Variants in STK33 observed in about 807,000 individuals in gnomAD.
STK33 encodes the protein serine/threonine-protein kinase 33.
In STK33, 52 loss-of-function variants were observed where a neutral mutation model predicts 58.0. The ratio of observed to expected loss-of-function variants is 0.90; its 90% CI spans 0.72 to 1.13. STK33 has a LOEUF of 1.13. Ranked by LOEUF, STK33 falls within the 50% of genes most tolerant of loss-of-function variation. The pLI, the probability that STK33 is intolerant of heterozygous loss-of-function variation, is 0.00. For synonymous variants in STK33, 215 were observed against 200.1 expected (o/e 1.07, Z -0.63); for missense variants, 630 against 604.2 (o/e 1.04, Z -0.45).
intron 1 of STK33, among the ~76,000 whole-genome samples, chr11:8,554,695 G>A (rs1487390628): frequency 6.6e-6 from 1 of 152,038 alleles, no homozygotes; most frequent in Non-Finnish European, 1.5e-5. Context: ...AAACGGTATG[G>A]AGATTCCTCA....
At chr11:8,571,058 A>G (rs1957774939) in intron 1 of STK33, among the ~76,000 whole-genome samples, 1 of 152,174 alleles carries the variant, frequency 6.6e-6, no homozygotes, top group Non-Finnish European at 1.5e-5. Flanking sequence ...GGAGAGGGAA[A>G]GCAAACATGA....
intron 14 of STK33, among the ~76,000 whole-genome samples, chr11:8,420,507 C>CA (rs1941759568): frequency 6.6e-6 from 1 of 152,038 alleles, no homozygotes; most frequent in African/African-American, 2.4e-5. Context: ...GCCTTCTACT[C>CA]AGTGTATTCT....
chr11:8,445,253 T>A (rs1167009615), intron 11 of STK33, among the ~76,000 whole-genome samples: 1 of 152,242 alleles, frequency 6.6e-6, no homozygotes, highest in Admixed American at 6.5e-5. Context: ...TTGCTGAAGT[T>A]GTTTTTCAGC....
At chr11:8,537,104 C>T (rs552539099) in intron 1 of STK33, among the ~76,000 whole-genome samples, 2 of 149,758 alleles carry the variant, frequency 1.3e-5, no homozygotes, top group Non-Finnish European at 3.0e-5. Flanking sequence ...ATCAGCCTCC[C>T]GAGTAGCTGG....
intron 1 of STK33, among the ~76,000 whole-genome samples, chr11:8,549,331 T>G (rs1017905578): frequency 1.3e-5 from 2 of 152,210 alleles, no homozygotes; most frequent in Non-Finnish European, 2.9e-5. Flanking sequence ...CACACTTGAT[T>G]GTGCTAAATG....
intron 1 of STK33, among the ~76,000 whole-genome samples, chr11:8,482,736 A>AT (rs1163715510): frequency 4.0e-4 from 60 of 151,304 alleles, no homozygotes; most frequent in Middle Eastern, 3.4e-3. Flanking sequence ...TTATTTATTT[A>AT]TTTATTTTTT....
intron 1 of STK33, among the ~76,000 whole-genome samples, chr11:8,520,739 T>C (rs1359962446): frequency 6.6e-6 from 1 of 152,120 alleles, no homozygotes; most frequent in Admixed American, 6.6e-5. Context: ...GAACTCACGT[T>C]CACAATTGCT....
At chr11:8,530,943 A>G (rs1954488830) in intron 1 of STK33, among the ~76,000 whole-genome samples, 1 of 130,182 alleles carries the variant, frequency 7.7e-6, no homozygotes, top group Admixed American at 7.9e-5. Flanking sequence ...CGCCCACCTC[A>G]GTCTCCCAAA....
At chr11:8,396,671 T>A (rs1849400371) in intron 15 of STK33, among the ~76,000 whole-genome samples, 1 of 152,208 alleles carries the variant, frequency 6.6e-6, no homozygotes, top group Non-Finnish European at 1.5e-5. Context: ...AGGCATCATC[T>A]CACCCGGGAA....
At chr11:8,499,686 G>C (rs564743917) in intron 1 of STK33, among the ~76,000 whole-genome samples, 14 of 152,196 alleles carry the variant, frequency 9.2e-5, no homozygotes, top group Non-Finnish European at 1.8e-4. Flanking sequence ...ATCCATCAAT[G>C]ACAAACTGGA....
At chr11:8,396,229 G>A (rs186209442) in intron 15 of STK33, among the ~76,000 whole-genome samples, 15 of 152,198 alleles carry the variant, frequency 9.9e-5, no homozygotes, top group Admixed American at 7.9e-4. Flanking sequence ...TCAGCCTCCC[G>A]AGTAGTTGGG....
chr11:8,384,108 A>C, the STK33 span, among the ~76,000 whole-genome samples: 1 of 152,234 alleles, frequency 6.6e-6, no homozygotes, highest in Non-Finnish European at 1.5e-5. Context: ...AATATAATAA[A>C]GAAAGTATTT....
intron 1 of STK33, among the ~76,000 whole-genome samples, chr11:8,482,030 T>G (rs1949847956): frequency 6.6e-6 from 1 of 152,210 alleles, no homozygotes; most frequent in Admixed American, 6.5e-5. Context: ...CCAAAAAGAT[T>G]CATGTGAGAC....
chr11:8,376,863 G>C, the STK33 span, among the ~76,000 whole-genome samples: 6 of 152,220 alleles, frequency 3.9e-5, no homozygotes, highest in South Asian at 6.2e-4. Flanking sequence ...TTTTAAGTGA[G>C]ATCACATCTT....
chr11:8,457,993 T>G (rs1287419195), intron 8 of STK33, among the ~76,000 whole-genome samples: 1 of 152,114 alleles, frequency 6.6e-6, no homozygotes, highest in African/African-American at 2.4e-5. Context: ...AAGAACAGGT[T>G]GGGGCCAGGT....
chr11:8,476,029 T>C lies in STK33; in HGVS notation c.-162+658A>G, dbSNP rs546489757. 2.6e-5 allele frequency among the ~76,000 whole-genome samples: 4 copies of C among 152,348 alleles called. No homozygotes were observed. In the East Asian group the frequency reaches 7.7e-4, roughly 29 times the overall value. On this transcript the variant is annotated intron_variant, in intron 4 of 15. Coordinates refer to ENST00000687296, the MANE Select transcript of STK33 (RefSeq NM_001352389.2). ...GAAAGCTGTGCTTTTATCAAATCCT[T>C]ATCTATTGTGATTGGCAGGAAAATC...
intron 9 of STK33, among the ~76,000 whole-genome samples, chr11:8,455,255 A>G (rs182085624): frequency 6.6e-6 from 1 of 152,308 alleles, no homozygotes; most frequent in Admixed American, 6.5e-5. Flanking sequence ...ACATTTTAAC[A>G]CACTGTAACT....
chr11:8,552,242 C>T (rs1956350317), intron 1 of STK33, among the ~76,000 whole-genome samples: 1 of 152,214 alleles, frequency 6.6e-6, no homozygotes, highest in East Asian at 1.9e-4. Flanking sequence ...TTTTCTCTTA[C>T]CAGTCATGGC....
intron 1 of STK33, among the ~76,000 whole-genome samples, chr11:8,521,225 A>C (rs1481679902): frequency 1.3e-5 from 2 of 152,134 alleles, no homozygotes; most frequent in Non-Finnish European, 1.5e-5. Context: ...CTGACTTCAA[A>C]CTATATAAGG....
Sources: gnomAD v4.1 joint callset for allele counts (sites outside exome capture counted in the v4.1 genomes callset) on GRCh38, gnomAD v4.1.1 for gene constraint, MANE v1.5 for transcripts, NCBI Gene and HGNC (gene_info 2026-07-23, HGNC 2026-07-21) for gene names.